The following ARHGAP24 variants were observed in gnomAD, a reference collection of about 807,000 sequenced individuals.
The protein encoded by ARHGAP24 is rho GTPase-activating protein 24.
A neutral mutation model predicts 76.4 loss-of-function variants in ARHGAP24; 50 were observed. The ratio of observed to expected loss-of-function variants is 0.65; its 90% confidence interval spans 0.52 to 0.83. The LOEUF is 0.83. ARHGAP24 is among the 40% of genes least tolerant of loss of function. The pLI is 0.00. For synonymous variants in ARHGAP24, 345 were observed against 323.3 expected (o/e 1.07, Z -0.72); for missense variants, 930 against 914.2 (o/e 1.02, Z -0.22).
chr4:85,840,827 G>C (rs919583236), intron 3 of ARHGAP24, among the ~76,000 whole-genome samples: 4 of 152,156 alleles, frequency 2.6e-5, no homozygotes, highest in African/African-American at 9.7e-5. Flanking sequence ...ATGGATAAAG[G>C]GTATAAGCAG....
At chr4:85,885,812 G>A (rs1284230537) in intron 3 of ARHGAP24, among the ~76,000 whole-genome samples, 1 of 151,966 alleles carries the variant, frequency 6.6e-6, no homozygotes, top group Non-Finnish European at 1.5e-5. Flanking sequence ...TAATTTAATT[G>A]TTTAAAGCTA....
intron 1 of ARHGAP24, among the ~76,000 whole-genome samples, chr4:85,556,634 C>A (rs972404960): frequency 1.3e-5 from 2 of 152,144 alleles, no homozygotes; most frequent in African/African-American, 4.8e-5. Context: ...GCAGGTTAAT[C>A]ATATTGGGGG....
At chr4:85,622,314 T>C (rs930043614) in intron 2 of ARHGAP24, among the ~76,000 whole-genome samples, 9 of 140,350 alleles carry the variant, frequency 6.4e-5, no homozygotes. Context: ...TTCTCATTGT[T>C]CAGTTCCCAC....
chr4:85,930,618 T>C (rs566636612), intron 4 of ARHGAP24: 270 of 1,075,484 alleles, frequency 2.5e-4, no homozygotes, highest in Non-Finnish European at 2.3e-4. Flanking sequence ...ATGGGAATGG[T>C]AGCTTGCTTG....
intron 3 of ARHGAP24, among the ~76,000 whole-genome samples, chr4:85,904,431 C>T (rs1236064340): frequency 6.6e-6 from 1 of 152,212 alleles, no homozygotes; most frequent in African/African-American, 2.4e-5. Context: ...TGGAACACTT[C>T]CCTCTCAGTC....
At chr4:85,855,740 T>G (rs193113172) in intron 3 of ARHGAP24, among the ~76,000 whole-genome samples, 70 of 148,690 alleles carry the variant, frequency 4.7e-4, no homozygotes, top group African/African-American at 1.6e-3. Context: ...ATTGCGCCAT[T>G]GCACTCCAGC....
At chr4:85,829,999 T>C (rs1266378063) in intron 3 of ARHGAP24, among the ~76,000 whole-genome samples, 2 of 152,250 alleles carry the variant, frequency 1.3e-5, no homozygotes, top group Non-Finnish European at 2.9e-5. Context: ...TCAGAGCACA[T>C]GCCAGTCTGT....
intron 2 of ARHGAP24, among the ~76,000 whole-genome samples, chr4:85,690,368 A>T (rs1047480265): frequency 6.6e-6 from 1 of 152,174 alleles, no homozygotes; most frequent in Non-Finnish European, 1.5e-5. Flanking sequence ...ATTTTTGAAT[A>T]GTTTCAGTAG....
intron 4 of ARHGAP24, among the ~76,000 whole-genome samples, chr4:85,935,695 C>T (rs1283071661): frequency 6.6e-6 from 1 of 152,104 alleles, no homozygotes; most frequent in Non-Finnish European, 1.5e-5. Flanking sequence ...GAAAAGGGAC[C>T]CCCTTGTAGG....
chr4:85,664,832 T>A (rs1282740351), intron 2 of ARHGAP24, among the ~76,000 whole-genome samples: 3 of 152,168 alleles, frequency 2.0e-5, no homozygotes, highest in Non-Finnish European at 2.9e-5. Context: ...TTTGAGTGAG[T>A]TTCTTAATCC....
At chr4:85,688,992 G>C (rs1723532849) in intron 2 of ARHGAP24, among the ~76,000 whole-genome samples, 1 of 152,082 alleles carries the variant, frequency 6.6e-6, no homozygotes. Context: ...GATGCCTTTG[G>C]CTTTGTTACT....
chr4:85,778,757 A>G (rs1727407260), intron 3 of ARHGAP24: 1 of 985,418 alleles, frequency 1.0e-6, no homozygotes, highest in South Asian at 4.7e-5. Flanking sequence ...AAAATTAGCT[A>G]CAGGAAGAGT....
intron 2 of ARHGAP24, among the ~76,000 whole-genome samples, chr4:85,589,478 G>A (rs2623771): frequency 2.3e-4 from 35 of 152,158 alleles, no homozygotes; most frequent in African/African-American, 8.4e-4. Context: ...CTAGGGACAG[G>A]AATTTTTATT....
In ARHGAP24 at chr4:85,793,650, A is replaced by G. The variant is rs186688332; in HGVS notation, c.268+71678A>G. Among the ~76,000 whole-genome samples the G allele has an allele frequency of 3.1e-4, 47 of 152,312 alleles. 1 individual carries two copies. The highest frequency in any genetic ancestry group is 2.3e-3 in the Admixed American group (35 of 15,300). ...ATACTCTTTTTTTAAAATCTCAGAT[A>G]AAATATGTGAGGGAATGAGATTAGA... On this transcript the variant is annotated intron_variant, in intron 3 of 9. Coordinates refer to ENST00000395184, the MANE Select transcript of ARHGAP24 (RefSeq NM_001025616.3).
intron 2 of ARHGAP24, among the ~76,000 whole-genome samples, chr4:85,635,477 T>G (rs1250805127): frequency 6.6e-6 from 1 of 151,912 alleles, no homozygotes; most frequent in East Asian, 1.9e-4. Flanking sequence ...TTGCTTAGTT[T>G]CTCCTCATTT....
intron 1 of ARHGAP24, among the ~76,000 whole-genome samples, chr4:85,501,897 G>T (rs183958481): frequency 1.9e-3 from 292 of 151,974 alleles, no homozygotes; most frequent in African/African-American, 6.7e-3. Context: ...ATTAATTTTT[G>T]TATAAGGTGT....
At chr4:85,638,155 G>A (rs543492958) in intron 2 of ARHGAP24, among the ~76,000 whole-genome samples, 2 of 152,218 alleles carry the variant, frequency 1.3e-5, no homozygotes, top group Admixed American at 6.5e-5. Flanking sequence ...ATGACTGTAC[G>A]TCAGCCCTGA....
Position 86,001,341 on chromosome 4 carries a change from TC to T in ARHGAP24, c.*623del. The T allele has an allele frequency of 5.0e-6, 2 of 399,012 alleles. No individual in the cohort carries two copies. The highest frequency in any genetic ancestry group is 4.4e-5 in the Admixed American group (1 of 22,722). 24.7% of individuals were successfully genotyped at this position (399,012 alleles called of 1,614,324 possible). On this transcript the variant is annotated 3_prime_UTR_variant, in exon 10 of 10. Coordinates refer to ENST00000395184, the MANE Select transcript of ARHGAP24 (RefSeq NM_001025616.3). The stretch of plus-strand genomic sequence containing the variant: ...ACCTTTGAGCTGCTTTTAAAATTCT[TC>T]CCCTGGCACCACTCAGTTTTGCTTT...
intron 2 of ARHGAP24, among the ~76,000 whole-genome samples, chr4:85,609,946 G>A (rs1029786173): frequency 3.3e-5 from 5 of 152,208 alleles, no homozygotes; most frequent in African/African-American, 1.2e-4. Context: ...CAGTTTAAAT[G>A]CTATTAAACT....
Sources: allele counts gnomAD v4.1 joint callset (sites outside exome capture counted in the v4.1 genomes callset), GRCh38; gene constraint gnomAD v4.1.1; transcripts MANE v1.5; gene names NCBI Gene and HGNC (gene_info 2026-07-23, HGNC 2026-07-21).